Variants in CCSER1 observed in about 807,000 individuals in gnomAD.
CCSER1 encodes the protein coiled-coil serine rich protein 1.
In CCSER1, 41 loss-of-function variants were observed where a neutral mutation model predicts 82.0. The ratio of observed to expected loss-of-function variants is 0.50; its 90% confidence interval spans 0.39 to 0.65. CCSER1 has a LOEUF of 0.65. Among genes scored for constraint, CCSER1 ranks in the 30% least tolerant of loss-of-function variants. CCSER1 has a pLI of 0.00. For missense variants in CCSER1, 1,119 were observed against 1,064.2 expected, an observed-to-expected ratio of 1.05 and a Z score of -0.72; for synonymous variants, 414 against 383.9, an observed-to-expected ratio of 1.08 and a Z score of -0.92.
At chr4:90,435,070 C>A (rs1758817296) in intron 4 of CCSER1, among the ~76,000 whole-genome samples, 1 of 151,952 alleles carries the variant, frequency 6.6e-6, no homozygotes, top group Non-Finnish European at 1.5e-5. Flanking sequence ...TAATTTTTGA[C>A]CTTTGATTTT....
chr4:90,377,724 C>G (rs1748578417), intron 3 of CCSER1, among the ~76,000 whole-genome samples: 1 of 151,732 alleles, frequency 6.6e-6, no homozygotes, highest in South Asian at 2.1e-4. Flanking sequence ...TGTAGGAAAC[C>G]CCATGTAACT....
At chr4:90,320,308 G>A (rs74555509) in intron 3 of CCSER1, among the ~76,000 whole-genome samples, 247 of 152,310 alleles carry the variant, frequency 1.6e-3, no homozygotes, top group African/African-American at 5.3e-3. Flanking sequence ...AGAATTGTGT[G>A]TGGAGTGCTT....
chr4:90,134,544 C>T (rs1433269902), intron 1 of CCSER1, among the ~76,000 whole-genome samples: 2 of 152,110 alleles, frequency 1.3e-5, no homozygotes, highest in Admixed American at 1.3e-4. Flanking sequence ...AAGATGTAAC[C>T]AAGTATAATT....
intron 10 of CCSER1, among the ~76,000 whole-genome samples, chr4:91,443,699 C>T (rs944953993): frequency 2.0e-5 from 3 of 146,522 alleles, no homozygotes; most frequent in African/African-American, 5.0e-5. Flanking sequence ...TATTAGCGAT[C>T]AGAAAAAAAT....
At chr4:91,487,812 A>G (rs1758301518) in intron 10 of CCSER1, among the ~76,000 whole-genome samples, 3 of 152,042 alleles carry the variant, frequency 2.0e-5, no homozygotes, top group South Asian at 4.1e-4. Context: ...ATTCAACTAT[A>G]TATCATAATT....
At chr4:90,931,793 A>G (rs1729857751) in intron 9 of CCSER1, among the ~76,000 whole-genome samples, 1 of 152,192 alleles carries the variant, frequency 6.6e-6, no homozygotes, top group African/African-American at 2.4e-5. Flanking sequence ...GTCTTTGTCC[A>G]TCAAAATGTT....
intron 10 of CCSER1, among the ~76,000 whole-genome samples, chr4:91,365,054 C>T (rs1749515280): frequency 6.6e-6 from 1 of 152,112 alleles, no homozygotes; most frequent in African/African-American, 2.4e-5. Context: ...AAATAGTGCA[C>T]ACTACTTCCA....
intron 10 of CCSER1, among the ~76,000 whole-genome samples, chr4:91,234,342 C>CT (rs559092614): frequency 1.1e-3 from 167 of 152,108 alleles, no homozygotes; most frequent in African/African-American, 3.9e-3. Flanking sequence ...CATCAATTTG[C>CT]TTTTTTTCCC....
At chr4:90,450,031 T>C (rs1014454587) in intron 4 of CCSER1, among the ~76,000 whole-genome samples, 4 of 152,216 alleles carry the variant, frequency 2.6e-5, no homozygotes, top group South Asian at 4.1e-4. Context: ...ATCCCCCTTC[T>C]GAAGAGGTAC....
At chr4:90,172,372 A>T (rs758736326) in intron 1 of CCSER1, among the ~76,000 whole-genome samples, 8 of 151,896 alleles carry the variant, frequency 5.3e-5, no homozygotes, top group Non-Finnish European at 1.0e-4. Context: ...TAGTATGTAT[A>T]TTTCAAATGT....
chr4:90,304,684 A>G (rs1179285488), intron 1 of CCSER1, among the ~76,000 whole-genome samples: 1 of 152,066 alleles, frequency 6.6e-6, no homozygotes, highest in Admixed American at 6.6e-5. Flanking sequence ...GCTTTAGGAG[A>G]TATACCTAAT....
intron 1 of CCSER1, among the ~76,000 whole-genome samples, chr4:90,237,238 A>G (rs1446992160): frequency 6.6e-6 from 1 of 152,200 alleles, no homozygotes; most frequent in Non-Finnish European, 1.5e-5. Flanking sequence ...TTGTAGAGTA[A>G]GAATTTCGAA....
chr4:90,664,816 C>T (rs1249249890), intron 6 of CCSER1, among the ~76,000 whole-genome samples: 1 of 152,102 alleles, frequency 6.6e-6, no homozygotes, highest in Non-Finnish European at 1.5e-5. Flanking sequence ...AGGAGAATTG[C>T]TTGAAGCCAG....
chr4:90,931,263 A>C (rs894107449), intron 9 of CCSER1, among the ~76,000 whole-genome samples: 32 of 151,876 alleles, frequency 2.1e-4, no homozygotes, highest in Middle Eastern at 6.8e-3. Flanking sequence ...AGTTAGAATT[A>C]GATGCATTCT....
intron 10 of CCSER1, among the ~76,000 whole-genome samples, chr4:91,261,242 G>A (rs1741108871): frequency 6.6e-6 from 1 of 152,170 alleles, no homozygotes; most frequent in Admixed American, 6.5e-5. Context: ...ATTAGTGCTT[G>A]TATAGTCTTT....
At chr4:90,352,937 A>T (rs1338007435) in intron 3 of CCSER1, among the ~76,000 whole-genome samples, 2 of 152,152 alleles carry the variant, frequency 1.3e-5, no homozygotes, top group Non-Finnish European at 2.9e-5. Context: ...ACCACCTGTG[A>T]TTGTTTACCC....
chr4:90,472,532 G>A (rs1764535496), intron 5 of CCSER1, among the ~76,000 whole-genome samples: 1 of 152,274 alleles, frequency 6.6e-6, no homozygotes, highest in South Asian at 2.1e-4. Context: ...AAGAAGGAAA[G>A]CTACATTGCT....
At chr4:90,285,760 A>G (rs1578960556) in intron 1 of CCSER1, among the ~76,000 whole-genome samples, 1 of 151,990 alleles carries the variant, frequency 6.6e-6, no homozygotes, top group Non-Finnish European at 1.5e-5. Flanking sequence ...CATTTAATAC[A>G]TAGCTAGTTG....
chr4:90,946,505 C>T (rs983638355), intron 9 of CCSER1, among the ~76,000 whole-genome samples: 2 of 151,842 alleles, frequency 1.3e-5, no homozygotes, highest in Non-Finnish European at 2.9e-5. Context: ...GTTCCAGGCG[C>T]CTCTAATCCC....
Sources: allele counts gnomAD v4.1 joint callset (sites outside exome capture counted in the v4.1 genomes callset), GRCh38; gene constraint gnomAD v4.1.1; transcripts MANE v1.5; gene names NCBI Gene and HGNC (gene_info 2026-07-23, HGNC 2026-07-21).